The following MLIP variants were observed in gnomAD, a reference collection of about 807,000 sequenced individuals.
MLIP encodes muscular LMNA-interacting protein.
Under a neutral mutation model 84.8 loss-of-function variants are expected in MLIP, and 79 were observed. The observed-to-expected ratio is 0.93, with a 90% confidence interval of 0.78 to 1.12. The LOEUF (loss-of-function observed/expected upper bound fraction) is 1.12, where lower values mean the gene tolerates loss of function less well. MLIP is among the 50% of genes most tolerant of loss of function. MLIP has a pLI of 0.00. For missense variants in MLIP, 1,257 were observed against 1,160.6 expected, an observed-to-expected ratio of 1.08 and a Z score of -1.21; for synonymous variants, 504 against 463.0, an observed-to-expected ratio of 1.09 and a Z score of -1.14.
At chr6:54,222,921 A>C (rs1780313700) in intron 11 of MLIP, among the ~76,000 whole-genome samples, 1 of 151,972 alleles carries the variant, frequency 6.6e-6, no homozygotes, top group African/African-American at 2.4e-5. Flanking sequence ...GTGTGATATG[A>C]TAGCTCATGG....
rs750608933 is a variant in MLIP, at chr6:54,137,751, C to T, written c.1682C>T (p.Ser561Phe). 27 of 1,535,972 alleles carry T rather than the reference C, an allele frequency of 1.8e-5. No individual in the cohort carries two copies. The highest frequency in any genetic ancestry group is 1.4e-5 in the African/African-American group (1 of 73,048). The change falls in exon 4 of 14, where the codon TCT becomes TTT. Residue 561 changes from serine to phenylalanine, a missense_variant. Transcript: ENST00000502396. ...GTTCCACCAAGCTCTTCTCTTTCCT[C>T]TTTGAAGAGTAAACAGGATGGTGAC... Reference protein sequence around the residue: ...PPVPPSSSLSSLKSKQDGDLR... With the variant: ...PPVPPSSSLSFLKSKQDGDLR...
upstream of MLIP, among the ~76,000 whole-genome samples, chr6:54,109,826 C>T (rs1769287766): frequency 6.6e-6 from 1 of 152,022 alleles, no homozygotes; most frequent in South Asian, 2.1e-4. Context: ...TTAGAAAGTG[C>T]ATTTTAACAA....
intron 1 of MLIP, chr6:54,043,401 T>TCGAA (rs754050861): frequency 7.2e-5 from 11 of 152,240 alleles, no homozygotes; most frequent in Non-Finnish European, 1.3e-4. Flanking sequence ...ATGATCCATC[T>TCGAA]TGAAAGGCTG....
At chr6:54,078,980 C>G (rs1475175082) in intron 1 of MLIP, among the ~76,000 whole-genome samples, 1 of 152,076 alleles carries the variant, frequency 6.6e-6, no homozygotes, top group African/African-American at 2.4e-5. Context: ...CATGAACCAC[C>G]GCGCCCGGCC....
At chr6:54,045,920 C>T (rs1765022765) in intron 1 of MLIP, 1 of 152,120 alleles carries the variant, frequency 6.6e-6, no homozygotes, top group Non-Finnish European at 1.5e-5. Flanking sequence ...AACTGTGAAC[C>T]AATTTAACTT....
At chr6:54,085,289 T>C (rs1428669196) in intron 1 of MLIP, among the ~76,000 whole-genome samples, 1 of 152,204 alleles carries the variant, frequency 6.6e-6, no homozygotes, top group Non-Finnish European at 1.5e-5. Flanking sequence ...TGCAGTGCTA[T>C]GGAGTCAGAA....
In MLIP at chr6:54,259,160, G is replaced by A. The variant is rs141784600; in HGVS notation, c.2976+1799G>A. On this transcript the variant is annotated intron_variant, in intron 13 of 13. Transcript: ENST00000502396. ...CATTATCTTATGCATTTATTGGTAT[G>A]GTAATATATTTTTGTTGAGTGGTAA... Among the ~76,000 whole-genome samples the A allele has an allele frequency of 4.2e-3, 642 of 151,456 alleles. 4 individuals are homozygous for A. The highest frequency in any genetic ancestry group is 0.015 in the African/African-American group (601 of 41,404).
At chr6:54,165,887 T>TC (rs1259758247) in intron 8 of MLIP, among the ~76,000 whole-genome samples, 1 of 151,810 alleles carries the variant, frequency 6.6e-6, no homozygotes, top group Non-Finnish European at 1.5e-5. Flanking sequence ...TGGGATAAGT[T>TC]CCCTTACAAA....
intron 1 of MLIP, among the ~76,000 whole-genome samples, chr6:54,058,703 T>C (rs1028084411): frequency 2.0e-5 from 3 of 152,232 alleles, no homozygotes; most frequent in Admixed American, 6.5e-5. Context: ...AGCCATGTTG[T>C]TCTAGATGAG....
chr6:54,043,454 T>C (rs1284267824), intron 1 of MLIP: 1 of 152,206 alleles, frequency 6.6e-6, no homozygotes, highest in Non-Finnish European at 1.5e-5. Context: ...TCTATGTAAT[T>C]TCTCTTGGTG....
In MLIP at chr6:54,216,427, G is replaced by C. The variant is rs533398448; in HGVS notation, c.2718+14194G>C. 98 of 985,162 alleles carry C rather than the reference G, an allele frequency of 9.9e-5. No individual in the cohort carries two copies. In the African/African-American group the frequency reaches 1.6e-3, roughly 16 times the overall value. 61.0% of individuals were successfully genotyped at this position (985,162 alleles called of 1,614,324 possible). ...AAACTCAGCATTGTAGTCCTCTGCTGCTCACTGTGATTGATTATGGAGTGT... is the reference window on the plus strand; with the variant it reads ...AAACTCAGCATTGTAGTCCTCTGCTCCTCACTGTGATTGATTATGGAGTGT... On this transcript the variant is annotated intron_variant, in intron 11 of 13. Transcript: ENST00000502396.
chr6:54,068,911 C>A lies in MLIP; in HGVS notation c.63+49820C>A, dbSNP rs112666405. Among the ~76,000 whole-genome samples, 29 of 100,920 alleles carry A rather than the reference C, an allele frequency of 2.9e-4. 5 individuals carry two copies. The highest frequency in any genetic ancestry group is 7.4e-4 in the African/African-American group (29 of 39,400). The allele number at this position is 100,920 out of a possible 152,430, so 66.2% of individuals were successfully genotyped here. ...CTCCACTGTCTATGTCTGTGATTAA[C>A]CTTGTCTGGGCCATGTGTGCTCTAA... On this transcript the variant is annotated intron_variant, in intron 1 of 12. Transcript: ENST00000274897.
In MLIP at chr6:54,202,154, T is replaced by C. The variant is rs1288310804; in HGVS notation, c.2639T>C (p.Leu880Pro). The change falls in exon 11 of 14, where the codon CTG becomes CCG. Residue 880 changes from leucine (L) to proline (P), a missense_variant. Transcript: ENST00000502396. ...RPVPVKSRIL[L>P]KKEEEVYEPN... The stretch of plus-strand genomic sequence containing the variant: ...GTACCTGTAAAATCCAGAATATTAC[T>C]GAAAAAAGAGGAGGAAGTCTATGAA... The C allele has an allele frequency of 6.2e-7, 1 of 1,603,242 alleles. No individual in the cohort carries two copies. The highest frequency in any genetic ancestry group is 1.7e-5 in the Admixed American group (1 of 59,362).
Position 54,101,083 on chromosome 6 carries a change from A to T in MLIP, c.64-20364A>T, listed in dbSNP as rs1005339362. 5.3e-5 allele frequency among the ~76,000 whole-genome samples: 8 copies of T among 152,254 alleles called. 1 individual carries two copies. The South Asian group carries it at 1.7e-3, about 32-fold the overall frequency. ...ATGGAGCAAATATTTAGATCAATTA[A>T]CTTGCCACTGATTGTCATGTAACTT... On this transcript the variant is annotated intron_variant, in intron 1 of 12. Coordinates refer to the MLIP transcript ENST00000274897.
chr6:54,125,132 A>C (rs1421005874), intron 3 of MLIP, among the ~76,000 whole-genome samples: 1 of 152,228 alleles, frequency 6.6e-6, no homozygotes, highest in Non-Finnish European at 1.5e-5. Flanking sequence ...TTGGGAGAAT[A>C]CTACCTCTTT....
At chr6:54,254,457 C>G (rs1360685946) in intron 12 of MLIP, among the ~76,000 whole-genome samples, 2 of 151,940 alleles carry the variant, frequency 1.3e-5, no homozygotes, top group Non-Finnish European at 2.9e-5. Context: ...TTCACTGTTT[C>G]CATTCTGACT....
chr6:54,237,872 A>G (rs1305193794), intron 12 of MLIP, among the ~76,000 whole-genome samples: 1 of 152,050 alleles, frequency 6.6e-6, no homozygotes, highest in Non-Finnish European at 1.5e-5. Context: ...AAACAAAATA[A>G]AAGTCTTCAG....
intron 1 of MLIP, among the ~76,000 whole-genome samples, chr6:54,051,678 T>C (rs1205495879): frequency 6.6e-6 from 1 of 152,074 alleles, no homozygotes; most frequent in Non-Finnish European, 1.5e-5. Flanking sequence ...AAGAGCAATT[T>C]GATTGTGAGG....
At position 54,153,188 on chromosome 6, in the gene MLIP, AG is replaced by A. The variant is rs748986545; in HGVS notation, c.2289+4063del. ...TTTAATTCTTTAAATGGAAAGTTAT[AG>A]GAAAAACATTTTTTTTTGGTGCAAG... is the stretch of plus-strand genomic sequence containing the variant. On this transcript the variant is annotated intron_variant, in intron 5 of 13. Transcript: ENST00000502396. Among the ~76,000 whole-genome samples the A allele has an allele frequency of 3.3e-5, 5 of 152,062 alleles. No individual in the cohort carries two copies. The East Asian group carries it at 9.7e-4, about 29-fold the overall frequency.
Sources: gnomAD v4.1 joint callset for allele counts (sites outside exome capture counted in the v4.1 genomes callset) on GRCh38, gnomAD v4.1.1 for gene constraint, MANE v1.5 for transcripts, NCBI Gene and HGNC (gene_info 2026-07-23, HGNC 2026-07-21) for gene names.